The following SEC62 variants were observed in gnomAD, a reference collection of about 807,000 sequenced individuals.
The protein encoded by SEC62 is translocation protein SEC62.
Under a neutral mutation model 47.5 loss-of-function variants are expected in SEC62, and 10 were observed. The ratio of observed to expected loss-of-function variants is 0.21; its 90% CI spans 0.13 to 0.36. SEC62 has a LOEUF of 0.36. Ranked by LOEUF, SEC62 falls within the 10% of genes least tolerant of loss-of-function variation. SEC62 has a pLI of 1.00. For synonymous variants in SEC62, 136 were observed against 150.5 expected (o/e 0.90, Z 0.71); for missense variants, 327 against 464.1 (o/e 0.70, Z 2.71).
chr3:169,987,144 A>C (rs997317563), intron 6 of SEC62, among the ~76,000 whole-genome samples: 1 of 152,108 alleles, frequency 6.6e-6, no homozygotes. Flanking sequence ...TAACTCTTTA[A>C]GGCTGGGCTC....
intron 7 of SEC62, among the ~76,000 whole-genome samples, chr3:169,990,502 C>T (rs1715223658): frequency 6.6e-6 from 1 of 152,028 alleles, no homozygotes; most frequent in African/African-American, 2.4e-5. Context: ...AACTGTAAAA[C>T]ATGAACATTT....
chr3:169,975,698 C>T lies in SEC62; in HGVS notation c.127C>T (p.Arg43Trp). 4.4e-6 allele frequency: 7 copies of T among 1,608,402 alleles called. No individual in the cohort carries two copies. Among genetic ancestry groups the T allele is most frequent in the Admixed American group, 1.7e-5 (1 of 59,992 alleles). The change falls in exon 2 of 8, where the codon CGG becomes TGG. Residue 43 changes from arginine to tryptophan, a missense_variant. Physicochemically the swap from Arg to Trp is moderately radical, Grantham distance 101. Transcript: ENST00000337002. Reference sequence around the variant, plus strand: ...AAAGTCCACCAATATGATGGGTCACCGGGTTGATTATTTTATTGGTAGGAT... The same window carrying T: ...AAAGTCCACCAATATGATGGGTCACTGGGTTGATTATTTTATTGGTAGGAT... ...PTKSTNMMGH[R>W]VDYFIASKAV...
Position 169,992,840 on chromosome 3 carries a change from G to C in SEC62, c.977G>C (p.Gly326Ala). The C allele has an allele frequency of 1.2e-6, 2 of 1,614,042 alleles. No homozygotes were observed. The highest frequency in any genetic ancestry group is 1.7e-6 in the Non-Finnish European group (2 of 1,180,018). The change falls in exon 8 of 8, where the codon GGA becomes GCA. Residue 326 changes from glycine (G) to alanine (A), a missense_variant. Gly to Ala is a moderately conservative substitution (Grantham distance 60, BLOSUM62 0). Around this residue, in one of 3 missense-constraint regions of SEC62, gnomAD observed 102 missense variants for 108.8 expected, o/e 0.94. Coordinates refer to ENST00000337002, the MANE Select transcript of SEC62 (RefSeq NM_003262.4). The surrounding 1 kb of genome is among the most constrained non-coding windows in gnomAD (Gnocchi z 4.0). ...EKKEDEEGKV[G>A]PGNHGTEGSG... is the part of the protein sequence containing the mutation. The stretch of plus-strand genomic sequence containing the variant: ...AAGGAAGATGAGGAGGGGAAAGTAG[G>C]ACCAGGAAATCATGGAACAGAAGGC...
rs960798620 is a variant in SEC62, at chr3:169,993,505, G to A, written c.*442G>A. 2 of 153,330 alleles carry A rather than the reference G, an allele frequency of 1.3e-5. No individual in the cohort carries two copies. The highest frequency in any genetic ancestry group is 6.5e-5 in the Admixed American group (1 of 15,306). 9.5% of individuals were successfully genotyped at this position (153,330 alleles called of 1,614,324 possible). ...TAAGATGTGTAAACTCATTGTCCTT[G>A]ATAGTTTTTATTTTTCATTATAAAA... On this transcript the variant is annotated 3_prime_UTR_variant, in exon 8 of 8. Coordinates refer to ENST00000337002, the MANE Select transcript of SEC62 (RefSeq NM_003262.4).
intron 3 of SEC62, among the ~76,000 whole-genome samples, chr3:169,978,875 TGG>T (rs1714906164): frequency 6.6e-6 from 1 of 152,200 alleles, no homozygotes; most frequent in African/African-American, 2.4e-5. Context: ...AGCTAGCAAG[TGG>T]CAGATCTAGG....
intron 2 of SEC62, 71 bp from the exon 3 acceptor site, chr3:169,976,875 T>C (rs1576857656): frequency 9.8e-7 from 1 of 1,025,176 alleles, no homozygotes; most frequent in South Asian, 2.1e-5. Flanking sequence ...AATTTTACTT[T>C]ATAAAATATT....
At chr3:169,982,134 G>T (rs757995254) in intron 3 of SEC62, among the ~76,000 whole-genome samples, 34 of 152,146 alleles carry the variant, frequency 2.2e-4, no homozygotes, top group Non-Finnish European at 2.6e-4. Flanking sequence ...ATTTGATGTT[G>T]TGCACGTCCT....
chr3:169,972,493 C>T (rs2108280112), intron 1 of SEC62, among the ~76,000 whole-genome samples: 1 of 152,070 alleles, frequency 6.6e-6, no homozygotes, highest in Non-Finnish European at 1.5e-5. Context: ...TGGTTCACTG[C>T]AGCCTCAACC....
At chr3:169,968,109 T>G (rs1714600267) in intron 1 of SEC62, among the ~76,000 whole-genome samples, 1 of 152,186 alleles carries the variant, frequency 6.6e-6, no homozygotes, top group Non-Finnish European at 1.5e-5. Flanking sequence ...GGTCTTAAGA[T>G]CAGTAGAAGT....
chr3:169,973,627 C>T (rs1714759246), intron 1 of SEC62, among the ~76,000 whole-genome samples: 2 of 150,432 alleles, frequency 1.3e-5, no homozygotes, highest in African/African-American at 2.5e-5. Context: ...AGCACCATTG[C>T]ACTCCAGCCT....
chr3:169,988,626 A>G (rs908124491), intron 7 of SEC62, among the ~76,000 whole-genome samples: 2 of 152,126 alleles, frequency 1.3e-5, no homozygotes, highest in African/African-American at 2.4e-5. Flanking sequence ...ATGGGGTACA[A>G]TGTGATGTTT....
intron 6 of SEC62, among the ~76,000 whole-genome samples, chr3:169,986,194 TTAAA>T (rs1576862803): frequency 6.6e-6 from 1 of 152,178 alleles, no homozygotes; most frequent in East Asian, 1.9e-4. Flanking sequence ...AACCTTAACA[TTAAA>T]GGTCTTAGAA....
chr3:169,983,074 A>T, intron 4 of SEC62, 87 bp from the exon 5 acceptor site: 1 of 1,449,582 alleles, frequency 6.9e-7, no homozygotes, highest in South Asian at 1.3e-5. Context: ...TGTGTTACAA[A>T]TAGTCAGTGA....
chr3:169,980,587 T>G (rs965086969), intron 3 of SEC62, among the ~76,000 whole-genome samples: 2 of 152,230 alleles, frequency 1.3e-5, no homozygotes. Context: ...TCTATTGCCT[T>G]CAGTATCTAC....
chr3:169,968,763 A>G (rs1228292120), intron 1 of SEC62, among the ~76,000 whole-genome samples: 3 of 152,156 alleles, frequency 2.0e-5, no homozygotes, highest in Non-Finnish European at 2.9e-5. Flanking sequence ...TCAGTAAACT[A>G]TTAGGTTGGG....
intron 5 of SEC62, among the ~76,000 whole-genome samples, chr3:169,984,635 GA>G (rs986184192): frequency 6.6e-6 from 1 of 152,132 alleles, no homozygotes; most frequent in African/African-American, 2.4e-5. Context: ...TTAAAGTTGT[GA>G]AATATCTTTT....
intron 1 of SEC62, among the ~76,000 whole-genome samples, chr3:169,969,981 A>G (rs1482751203): frequency 6.6e-6 from 1 of 152,176 alleles, no homozygotes; most frequent in Non-Finnish European, 1.5e-5. Flanking sequence ...TATGTGCTTA[A>G]TTTCAGGACA....
intron 3 of SEC62, among the ~76,000 whole-genome samples, chr3:169,981,157 A>G (rs560780549): frequency 9.2e-5 from 14 of 152,224 alleles, no homozygotes; most frequent in Non-Finnish European, 1.8e-4. Context: ...TTCATAGCAG[A>G]TATGATGGTA....
At chr3:169,990,780 C>T (rs1355992591) in intron 7 of SEC62, among the ~76,000 whole-genome samples, 1 of 152,124 alleles carries the variant, frequency 6.6e-6, no homozygotes, top group Admixed American at 6.5e-5. Flanking sequence ...GTACAGGAGT[C>T]TTTCAGAATA....
Sources: gnomAD v4.1 joint callset for allele counts (sites outside exome capture counted in the v4.1 genomes callset) on GRCh38, gnomAD v4.1.1 for gene constraint, gnomAD v4.1.1 regional missense constraint, Gnocchi (gnomAD v3.1) non-coding constraint, MANE v1.5 for transcripts, NCBI Gene and HGNC (gene_info 2026-07-23, HGNC 2026-07-21) for gene names.